The following SPOCK1 variants were observed in gnomAD, a reference collection of about 807,000 sequenced individuals.
The protein encoded by SPOCK1 is testican-1.
A neutral mutation model predicts 55.3 loss-of-function variants in SPOCK1; 23 were observed. The observed-to-expected ratio is 0.42, with a 90% CI of 0.30 to 0.59. The LOEUF (loss-of-function observed/expected upper bound fraction) is 0.59. SPOCK1 is among the 20% of genes least tolerant of loss of function. The pLI, the probability that SPOCK1 is intolerant of heterozygous loss-of-function variation, is 0.22. For synonymous variants in SPOCK1, 226 were observed against 221.0 expected (o/e 1.02, Z -0.20); for missense variants, 499 against 552.5 (o/e 0.90, Z 0.97).
chr5:137,427,450 G>A (rs186457291), intron 2 of SPOCK1, among the ~76,000 whole-genome samples: 1 of 152,270 alleles, frequency 6.6e-6, no homozygotes, highest in African/African-American at 2.4e-5. Context: ...GAAGCCAAGG[G>A]CATGGGCAAG....
chr5:137,184,950 C>T (rs1044291210), intron 3 of SPOCK1, among the ~76,000 whole-genome samples: 2 of 152,196 alleles, frequency 1.3e-5, no homozygotes, highest in East Asian at 1.9e-4. Context: ...CCACACTGTC[C>T]CTGTCATTCT....
chr5:137,190,841 C>A (rs1755166522), intron 3 of SPOCK1, among the ~76,000 whole-genome samples: 1 of 152,158 alleles, frequency 6.6e-6, no homozygotes, highest in South Asian at 2.1e-4. Flanking sequence ...AGACTGAGGT[C>A]AAGATGGAGC....
At chr5:137,069,152 G>A (rs1752562186) in intron 5 of SPOCK1, among the ~76,000 whole-genome samples, 2 of 152,174 alleles carry the variant, frequency 1.3e-5, no homozygotes, top group Non-Finnish European at 2.9e-5. Flanking sequence ...ATTGTAAGAG[G>A]ACAAGCTATT....
intron 2 of SPOCK1, among the ~76,000 whole-genome samples, chr5:137,436,933 G>A (rs1752877743): frequency 6.6e-6 from 1 of 152,096 alleles, no homozygotes; most frequent in South Asian, 2.1e-4. Flanking sequence ...CATGAAATAT[G>A]TGCCTGTCTC....
chr5:137,368,692 GCT>G (rs1751130058), intron 2 of SPOCK1, among the ~76,000 whole-genome samples: 1 of 152,150 alleles, frequency 6.6e-6, no homozygotes. Flanking sequence ...TCTTGGGCTG[GCT>G]TTTGTCTGGG....
intron 5 of SPOCK1, among the ~76,000 whole-genome samples, chr5:137,101,831 G>A (rs1476369817): frequency 6.6e-6 from 1 of 152,210 alleles, no homozygotes; most frequent in Non-Finnish European, 1.5e-5. Flanking sequence ...ACGATCAGAA[G>A]AAAGTATTAA....
At chr5:137,296,081 G>A (rs918410035) in intron 2 of SPOCK1, among the ~76,000 whole-genome samples, 6 of 152,146 alleles carry the variant, frequency 3.9e-5, no homozygotes, top group African/African-American at 7.2e-5. Context: ...AAGAGACCCC[G>A]CATTCCTTCT....
chr5:136,980,756 G>A (rs900634900), intron 9 of SPOCK1, among the ~76,000 whole-genome samples: 1 of 152,076 alleles, frequency 6.6e-6, no homozygotes. Flanking sequence ...ATATAATTTT[G>A]TTTTGGTGTT....
chr5:137,338,189 C>A (rs1460094672), intron 2 of SPOCK1, among the ~76,000 whole-genome samples: 3 of 143,880 alleles, frequency 2.1e-5, no homozygotes, highest in African/African-American at 7.7e-5. Context: ...CCACAACAGT[C>A]CCCAGCGTGT....
At chr5:137,329,962 C>T (rs1281639876) in intron 2 of SPOCK1, among the ~76,000 whole-genome samples, 1 of 152,146 alleles carries the variant, frequency 6.6e-6, no homozygotes, top group Non-Finnish European at 1.5e-5. Context: ...TCAAACTAGG[C>T]TCAGTGGGAA....
chr5:137,090,906 A>C lies in SPOCK1; in HGVS notation c.474+21529T>G, dbSNP rs117777503. The stretch of plus-strand genomic sequence containing the variant: ...TTCAGTATTCTCTGGCTCAGTTTCA[A>C]ATTCCAGTCTAAAGCCCTCTCCTCC... On this transcript the variant is annotated intron_variant, in intron 5 of 10. Coordinates refer to ENST00000394945, the MANE Select transcript of SPOCK1 (RefSeq NM_004598.4). Among the ~76,000 whole-genome samples the C allele has an allele frequency of 5.1e-4, 77 of 152,226 alleles. No individual in the cohort carries two copies. In the East Asian group the frequency reaches 0.014, roughly 28 times the overall value.
chr5:137,020,989 G>A (rs1046662074), intron 6 of SPOCK1, among the ~76,000 whole-genome samples: 3 of 152,050 alleles, frequency 2.0e-5, no homozygotes, highest in African/African-American at 4.8e-5. Context: ...AATACTATTT[G>A]CCATTTCTTA....
intron 6 of SPOCK1, among the ~76,000 whole-genome samples, chr5:137,059,852 C>T (rs997195893): frequency 5.9e-5 from 9 of 152,122 alleles, no homozygotes; most frequent in Admixed American, 5.9e-4. Context: ...TGAAAAAATG[C>T]TCAACATCAC....
At chr5:137,379,126 T>C (rs1379980555) in intron 2 of SPOCK1, among the ~76,000 whole-genome samples, 1 of 152,068 alleles carries the variant, frequency 6.6e-6, no homozygotes, top group Non-Finnish European at 1.5e-5. Flanking sequence ...CTCCAAGGCA[T>C]GTCTACAGGG....
intron 6 of SPOCK1, among the ~76,000 whole-genome samples, chr5:137,064,815 T>G (rs1374541502): frequency 6.6e-6 from 1 of 152,198 alleles, no homozygotes; most frequent in African/African-American, 2.4e-5. Context: ...CTCAATTTTG[T>G]CCAGGTAAAG....
intron 3 of SPOCK1, among the ~76,000 whole-genome samples, chr5:137,173,353 TCTGTGAAC>T (rs1175117045): frequency 6.6e-6 from 1 of 152,154 alleles, no homozygotes; most frequent in Non-Finnish European, 1.5e-5. Context: ...CCCTGGTAGT[TCTGTGAAC>T]CTGTCATCGT....
At position 137,199,324 on chromosome 5, in the gene SPOCK1, T is replaced by C. The variant is rs1032545769; in HGVS notation, c.233-58630A>G. Among the ~76,000 whole-genome samples, 23 of 152,192 alleles carry C rather than the reference T, an allele frequency of 1.5e-4. 1 individual carries two copies. The highest frequency in any genetic ancestry group is 1.5e-3 in the Admixed American group (23 of 15,286). On this transcript the variant is annotated intron_variant, in intron 3 of 10. Transcript: ENST00000394945. ...TCATCAATACCACTCAGGCCAGCAA[T>C]GACCCTCCTTCACCTCATGGATTCC...
chr5:137,299,116 GTCTATTTTGGCTACA>G (rs1757541064), intron 2 of SPOCK1, among the ~76,000 whole-genome samples: 1 of 151,654 alleles, frequency 6.6e-6, no homozygotes, highest in Non-Finnish European at 1.5e-5. Flanking sequence ...TTCTTATACT[GTCTATTTTGGCTACA>G]TCTTTTACTA....
chr5:137,193,922 G>C (rs1260318598), intron 3 of SPOCK1, among the ~76,000 whole-genome samples: 2 of 152,180 alleles, frequency 1.3e-5, no homozygotes, highest in Admixed American at 6.5e-5. Context: ...AGGAAAGGCA[G>C]ATTTAATAGT....
Sources: allele counts gnomAD v4.1 joint callset (sites outside exome capture counted in the v4.1 genomes callset), GRCh38; gene constraint gnomAD v4.1.1; transcripts MANE v1.5; gene names NCBI Gene and HGNC (gene_info 2026-07-23, HGNC 2026-07-21).